FRAS1: variants seen among roughly 807,000 people sequenced by gnomAD.
The protein encoded by FRAS1 is Fraser extracellular matrix complex subunit 1, also known as extracellular matrix organizing protein FRAS1.
FRAS1 carries 290 observed loss-of-function variants against 435.2 expected under a neutral mutation model. That is an observed-to-expected ratio of 0.67 (90% CI 0.61 to 0.73). The LOEUF (loss-of-function observed/expected upper bound fraction) is 0.73, where lower values mean the gene tolerates loss of function less well. FRAS1 is among the 30% of genes least tolerant of loss of function. The pLI, the probability that FRAS1 is intolerant of heterozygous loss-of-function variation, is 0.00. For missense variants in FRAS1, 4,860 were observed against 5,001.5 expected, an observed-to-expected ratio of 0.97 and a Z score of 0.85; for synonymous variants, 1,800 against 1,851.0, an observed-to-expected ratio of 0.97 and a Z score of 0.71.
intron 15 of FRAS1, 66 bp from the exon 16 acceptor site, chr4:78,315,528 A>G: frequency 2.0e-6 from 3 of 1,516,836 alleles, no homozygotes; most frequent in Middle Eastern, 1.8e-4. Context: ...TATTGTAAAG[A>G]ATAGACTTCA....
chr4:78,307,718 G>T (rs796274802), intron 14 of FRAS1, among the ~76,000 whole-genome samples: 4 of 152,322 alleles, frequency 2.6e-5, no homozygotes, highest in African/African-American at 7.2e-5. Context: ...TTCGGCTGGC[G>T]CATGGTGCAT....
intron 2 of FRAS1, among the ~76,000 whole-genome samples, chr4:78,196,940 G>C (rs1199354851): frequency 1.3e-5 from 2 of 152,108 alleles, no homozygotes; most frequent in Non-Finnish European, 2.9e-5. Flanking sequence ...GCAAAAATTG[G>C]TTGCAATGCA....
At chr4:78,423,991 T>C (rs1229773662) in intron 34 of FRAS1, among the ~76,000 whole-genome samples, 2 of 152,196 alleles carry the variant, frequency 1.3e-5, no homozygotes, top group Non-Finnish European at 2.9e-5. Flanking sequence ...ATGGTTACAG[T>C]GTGTAAATCA....
chr4:78,346,230 G>A (rs1352404880), intron 20 of FRAS1, among the ~76,000 whole-genome samples: 8 of 152,182 alleles, frequency 5.3e-5, no homozygotes, highest in South Asian at 2.1e-4. Flanking sequence ...GAGCATCAGC[G>A]TCAATGTTGA....
At chr4:78,123,009 T>C (rs1228909068) in intron 2 of FRAS1, among the ~76,000 whole-genome samples, 1 of 152,208 alleles carries the variant, frequency 6.6e-6, no homozygotes, top group Non-Finnish European at 1.5e-5. Context: ...TTTTGGCTTT[T>C]GTTGCCATTG....
intron 2 of FRAS1, among the ~76,000 whole-genome samples, chr4:78,147,818 G>C (rs1720480569): frequency 6.6e-6 from 1 of 152,206 alleles, no homozygotes; most frequent in Non-Finnish European, 1.5e-5. Flanking sequence ...CTGGGGACTA[G>C]ATTGCAGGGT....
chr4:78,315,769 G>A (rs774631905), intron 16 of FRAS1, 35 bp downstream of exon 16: 2 of 1,611,630 alleles, frequency 1.2e-6, no homozygotes, highest in African/African-American at 2.7e-5. Flanking sequence ...TCATCAAAAA[G>A]TATTGAGTAC....
chr4:78,359,779 G>C (rs2124142), intron 20 of FRAS1, among the ~76,000 whole-genome samples: 40,931 of 152,094 alleles, frequency 0.27, 6,270 homozygotes, highest in Admixed American at 0.33. Flanking sequence ...TTGGATAAAT[G>C]TGATGTATTG....
intron 29 of FRAS1, among the ~76,000 whole-genome samples, chr4:78,388,331 C>CAAAAAAAAA (rs71661163): frequency 7.5e-5 from 7 of 93,176 alleles, no homozygotes; most frequent in Non-Finnish European, 1.2e-4. Context: ...TCTCAAAAAC[C>CAAAAAAAAA]AAAAAAAAAA....
chr4:78,394,284 G>GC (rs1732564514), intron 29 of FRAS1, among the ~76,000 whole-genome samples: 1 of 151,790 alleles, frequency 6.6e-6, no homozygotes, highest in African/African-American at 2.4e-5. Context: ...AAAAATAGTT[G>GC]CCAAGACCTA....
intron 2 of FRAS1, among the ~76,000 whole-genome samples, chr4:78,236,691 T>C (rs982191858): frequency 6.6e-5 from 10 of 152,148 alleles, no homozygotes; most frequent in African/African-American, 2.4e-4. Flanking sequence ...TACTTCAAAA[T>C]GGGCACAACT....
At chr4:78,314,868 C>A (rs560086708) in intron 15 of FRAS1, among the ~76,000 whole-genome samples, 5 of 150,980 alleles carry the variant, frequency 3.3e-5, no homozygotes, top group Non-Finnish European at 7.4e-5. Context: ...CCCACCCTCA[C>A]ATTTTTTTTT....
chr4:78,157,451 G>T (rs1720944362), intron 2 of FRAS1, among the ~76,000 whole-genome samples: 2 of 152,174 alleles, frequency 1.3e-5, no homozygotes, highest in South Asian at 4.1e-4. Flanking sequence ...CAGTGTATAA[G>T]TGTTCCCTTT....
At position 78,237,548 on chromosome 4, in the gene FRAS1, C is replaced by T. The variant is rs779920860; in HGVS notation, c.147C>T (p.Cys49=). The change falls in exon 3 of 74, where the codon TGC becomes TGT. Residue 49 remains cysteine, a synonymous_variant. Coordinates refer to ENST00000512123, the MANE Select transcript of FRAS1 (RefSeq NM_025074.7). The part of the protein sequence containing the change: ...TIWKPDSCQS[C]RCHGDIVICK... ...GGAAGCCCGATTCATGCCAGAGCTG[C>T]CGTTGCCATGGTGATATTGTTATCT... The T allele has an allele frequency of 6.2e-7, 1 of 1,613,268 alleles. No individual in the cohort carries two copies. Among genetic ancestry groups the T allele is most frequent in the South Asian group, 1.1e-5 (1 of 90,946 alleles).
At chr4:78,151,967 T>C (rs1720682421) in intron 2 of FRAS1, among the ~76,000 whole-genome samples, 1 of 152,216 alleles carries the variant, frequency 6.6e-6, no homozygotes, top group South Asian at 2.1e-4. Flanking sequence ...AGGCAGTGCG[T>C]GCCTTTGCTT....
chr4:78,082,274 T>C (rs1316070762), intron 2 of FRAS1, among the ~76,000 whole-genome samples: 4 of 152,136 alleles, frequency 2.6e-5, no homozygotes, highest in Admixed American at 2.6e-4. Context: ...TTTGAGGCAG[T>C]TTTCCTATGG....
chr4:78,207,849 A>G (rs985859251), intron 2 of FRAS1, among the ~76,000 whole-genome samples: 7 of 152,300 alleles, frequency 4.6e-5, no homozygotes, highest in African/African-American at 1.7e-4. Context: ...GTCTTTTAGA[A>G]TGAAGACATG....
chr4:78,165,607 T>C (rs1014075300), intron 2 of FRAS1, among the ~76,000 whole-genome samples: 3 of 152,186 alleles, frequency 2.0e-5, no homozygotes, highest in Non-Finnish European at 4.4e-5. Context: ...TTATTATTAC[T>C]CTGGAGGCAT....
chr4:78,209,138 C>G (rs987147495), intron 2 of FRAS1, among the ~76,000 whole-genome samples: 1 of 151,142 alleles, frequency 6.6e-6, no homozygotes, highest in African/African-American at 2.4e-5. Context: ...GAGCAAGACC[C>G]CATGTAAAAA....
Sources: allele counts gnomAD v4.1 joint callset (sites outside exome capture counted in the v4.1 genomes callset), GRCh38; gene constraint gnomAD v4.1.1; transcripts MANE v1.5; gene names NCBI Gene and HGNC (gene_info 2026-07-23, HGNC 2026-07-21).